The following FAM110B variants were observed in gnomAD, a reference collection of about 807,000 sequenced individuals.
The protein encoded by FAM110B is protein FAM110B.
In FAM110B, 6 loss-of-function variants were observed where a neutral mutation model predicts 20.4. The observed-to-expected ratio is 0.29, with a 90% confidence interval of 0.16 to 0.58. The LOEUF (loss-of-function observed/expected upper bound fraction) is 0.58, where lower values mean the gene tolerates loss of function less well. Ranked by LOEUF, FAM110B falls within the 20% of genes least tolerant of loss-of-function variation. FAM110B has a pLI of 0.90. For missense variants in FAM110B, 434 were observed against 498.2 expected (o/e 0.87, Z 1.23); for synonymous variants, 226 against 214.1 (o/e 1.06, Z -0.49).
intron 3 of FAM110B, among the ~76,000 whole-genome samples, chr8:58,137,270 C>G (rs950839926): frequency 6.6e-6 from 1 of 152,148 alleles, no homozygotes; most frequent in Non-Finnish European, 1.5e-5. Context: ...TTAATAATAG[C>G]TTACATTGGC....
At chr8:57,998,549 A>AT (rs751806819) in intron 1 of FAM110B, among the ~76,000 whole-genome samples, 7 of 152,188 alleles carry the variant, frequency 4.6e-5, no homozygotes, top group Admixed American at 4.6e-4. Flanking sequence ...TTTAATGTTG[A>AT]TTTTTTTGTA....
intron 1 of FAM110B, among the ~76,000 whole-genome samples, chr8:58,008,029 G>T (rs1804447987): frequency 1.3e-5 from 2 of 151,674 alleles, no homozygotes; most frequent in South Asian, 4.2e-4. Flanking sequence ...ATAGCTACAA[G>T]CAAGGCAGTT....
chr8:58,088,177 G>T (rs1409079064), intron 3 of FAM110B, among the ~76,000 whole-genome samples: 3 of 152,148 alleles, frequency 2.0e-5, no homozygotes, highest in Non-Finnish European at 2.9e-5. Flanking sequence ...TACACCTGTT[G>T]TAGTATGCTA....
chr8:58,117,564 G>A (rs993862475), intron 3 of FAM110B, among the ~76,000 whole-genome samples: 16 of 152,136 alleles, frequency 1.1e-4, no homozygotes, highest in Non-Finnish European at 1.5e-4. Context: ...CTAAGGTAGA[G>A]CGAGGGTTTT....
chr8:58,139,814 C>T (rs1803700233), intron 3 of FAM110B, among the ~76,000 whole-genome samples: 1 of 152,124 alleles, frequency 6.6e-6, no homozygotes, highest in African/African-American at 2.4e-5. Context: ...CCTGTAGTCC[C>T]AGCTACTCGG....
At chr8:58,083,578 G>A (rs1050975341) in intron 3 of FAM110B, among the ~76,000 whole-genome samples, 3 of 152,080 alleles carry the variant, frequency 2.0e-5, no homozygotes, top group Non-Finnish European at 2.9e-5. Context: ...TTGTCTCCAC[G>A]TTCACTACTT....
At chr8:58,053,032 G>T (rs544482155) in intron 2 of FAM110B, among the ~76,000 whole-genome samples, 1 of 151,796 alleles carries the variant, frequency 6.6e-6, no homozygotes, top group Non-Finnish European at 1.5e-5. Flanking sequence ...TGATCCGCCC[G>T]CCTCGGCCTC....
chr8:58,068,622 A>C (rs11774174), intron 2 of FAM110B, among the ~76,000 whole-genome samples: 1 of 151,880 alleles, frequency 6.6e-6, no homozygotes, highest in Non-Finnish European at 1.5e-5. Flanking sequence ...ACTACAGAAA[A>C]GGGAAGTTTG....
intron 2 of FAM110B, among the ~76,000 whole-genome samples, chr8:58,037,811 G>A (rs1180891669): frequency 1.3e-5 from 2 of 152,032 alleles, no homozygotes; most frequent in Non-Finnish European, 2.9e-5. Flanking sequence ...AATTAGAATT[G>A]GAAAACAGCC....
chr8:58,146,598 A>G lies in FAM110B; in HGVS notation c.368A>G (p.Asn123Ser). 1 of 1,614,034 alleles carries G rather than the reference A, an allele frequency of 6.2e-7. No homozygotes were observed. The highest frequency in any genetic ancestry group is 8.5e-7 in the Non-Finnish European group (1 of 1,179,940). Residue 123 changes from asparagine to serine, a missense_variant, in exon 4 of 4, where the codon AAC becomes AGC. By Grantham distance (46) the Asn-to-Ser change is conservative. Coordinates refer to ENST00000519262, the MANE Select transcript of FAM110B (RefSeq NM_001377989.1). ...AACCTGAAGCTGGAGATCCTGAAGA[A>G]CATCATCAATAGCTCCGAGGGCTCT... ...RENLKLEILK[N>S]IINSSEGSSS... is the part of the protein sequence containing the mutation.
chr8:58,118,224 G>C (rs1807264856), intron 3 of FAM110B, among the ~76,000 whole-genome samples: 1 of 152,066 alleles, frequency 6.6e-6, no homozygotes, highest in South Asian at 2.1e-4. Flanking sequence ...ACCTTGTTCT[G>C]TGACATTACT....
intron 3 of FAM110B, among the ~76,000 whole-genome samples, chr8:58,087,454 T>C (rs1406212656): frequency 6.6e-6 from 1 of 152,192 alleles, no homozygotes; most frequent in African/African-American, 2.4e-5. Context: ...TAAACTGTTA[T>C]ATCAGCTTCA....
chr8:58,036,768 T>G (rs370786789), intron 2 of FAM110B, among the ~76,000 whole-genome samples: 8 of 152,232 alleles, frequency 5.3e-5, no homozygotes, highest in African/African-American at 1.9e-4. Context: ...GCTTCCTTAT[T>G]TGCTTTAGGT....
chr8:58,119,008 G>A (rs1345728162), intron 3 of FAM110B, among the ~76,000 whole-genome samples: 1 of 152,110 alleles, frequency 6.6e-6, no homozygotes, highest in Non-Finnish European at 1.5e-5. Context: ...ATGAGATAAT[G>A]GCATCCTTTA....
At chr8:58,022,900 G>A (rs1227195286) in intron 1 of FAM110B, among the ~76,000 whole-genome samples, 1 of 152,182 alleles carries the variant, frequency 6.6e-6, no homozygotes, top group African/African-American at 2.4e-5. Context: ...AAACAGTGTG[G>A]GAAAGCCCTG....
At chr8:58,075,172 C>T (rs1585863756) in intron 2 of FAM110B, among the ~76,000 whole-genome samples, 1 of 151,296 alleles carries the variant, frequency 6.6e-6, no homozygotes, top group Non-Finnish European at 1.5e-5. Flanking sequence ...GTGACATGAT[C>T]TCAGCTCACG....
At chr8:58,132,923 T>C (rs1396037896) in intron 3 of FAM110B, among the ~76,000 whole-genome samples, 1 of 152,188 alleles carries the variant, frequency 6.6e-6, no homozygotes, top group South Asian at 2.1e-4. Context: ...TTTTTCACTT[T>C]GGGGAGTTAT....
chr8:58,126,031 A>G (rs1055424390), intron 3 of FAM110B, among the ~76,000 whole-genome samples: 2 of 152,224 alleles, frequency 1.3e-5, no homozygotes, highest in African/African-American at 4.8e-5. Context: ...TCAAGATCCT[A>G]TTCTGTACCA....
rs191606488 is a variant in FAM110B, at chr8:58,030,110, G to A, written c.-511-1496G>A. On this transcript the variant is annotated intron_variant, in intron 1 of 3. Coordinates refer to ENST00000519262, the MANE Select transcript of FAM110B (RefSeq NM_001377989.1). ...ATATGGGTCACAATCAAATTAATAT[G>A]GGCCCAAATATATTTTAAATCAATA... Among the ~76,000 whole-genome samples, 171 of 152,160 alleles carry A rather than the reference G, an allele frequency of 1.1e-3. 1 individual carries two copies. Among genetic ancestry groups the A allele is most frequent in the Non-Finnish European group, 2.1e-3 (144 of 67,994 alleles).
Sources: allele counts gnomAD v4.1 joint callset (sites outside exome capture counted in the v4.1 genomes callset), GRCh38; gene constraint gnomAD v4.1.1; transcripts MANE v1.5; gene names NCBI Gene and HGNC (gene_info 2026-07-23, HGNC 2026-07-21).